Variants in ZXDC observed in about 807,000 individuals in gnomAD.
ZXDC encodes ZXD family zinc finger C, also known as zinc finger protein ZXDC.
ZXDC carries 58 observed loss-of-function variants against 63.6 expected under a neutral mutation model. The observed-to-expected ratio is 0.91, with a 90% CI of 0.74 to 1.13. ZXDC has a LOEUF of 1.13. Ranked by LOEUF, ZXDC falls within the 50% of genes most tolerant of loss-of-function variation. ZXDC has a pLI of 0.00. For synonymous variants in ZXDC, 561 were observed against 496.1 expected (o/e 1.13, Z -1.74); for missense variants, 1,133 against 1,148.9 (o/e 0.99, Z 0.20).
intron 7 of ZXDC, chr3:126,452,493 T>A (rs1934146343): frequency 1.0e-6 from 1 of 985,310 alleles, no homozygotes; most frequent in African/African-American, 1.7e-5. Flanking sequence ...CCAACTGCTC[T>A]CCCTGAAACC....
At chr3:126,459,167 T>C (rs1342245263) in intron 7 of ZXDC, 1 of 985,348 alleles carries the variant, frequency 1.0e-6, no homozygotes, top group African/African-American at 1.7e-5. Flanking sequence ...GTTTGGTCTT[T>C]AAAAATGCAA....
chr3:126,448,977 G>A (rs1933990151), intron 7 of ZXDC, among the ~76,000 whole-genome samples: 1 of 152,184 alleles, frequency 6.6e-6, no homozygotes, highest in Admixed American at 6.5e-5. Flanking sequence ...ACGGGACGGG[G>A]CAGCACGCAG....
intron 7 of ZXDC, chr3:126,454,215 C>T (rs1010767540): frequency 8.9e-5 from 88 of 983,814 alleles, no homozygotes; most frequent in Non-Finnish European, 9.8e-5. Flanking sequence ...GCTTATTTTT[C>T]TGCTTGATCA....
chr3:126,451,626 T>C, intron 7 of ZXDC: 2 of 985,400 alleles, frequency 2.0e-6, no homozygotes, highest in Non-Finnish European at 1.2e-6. Flanking sequence ...TCCTGTCACC[T>C]GGGAAGGCCT....
intron 5 of ZXDC, among the ~76,000 whole-genome samples, chr3:126,464,295 C>T (rs1369198557): frequency 1.3e-5 from 2 of 152,162 alleles, no homozygotes; most frequent in Non-Finnish European, 2.9e-5. Context: ...GTTCAAAGCC[C>T]AGCCCCAGCC....
At chr3:126,452,542 G>C in intron 7 of ZXDC, 8 of 985,346 alleles carry the variant, frequency 8.1e-6, no homozygotes, top group Non-Finnish European at 9.6e-6. Flanking sequence ...GATTTGTTGA[G>C]AGAATAATAA....
intron 1 of ZXDC, among the ~76,000 whole-genome samples, chr3:126,473,093 C>T (rs1000264833): frequency 3.9e-5 from 6 of 152,188 alleles, no homozygotes; most frequent in African/African-American, 4.8e-5. Flanking sequence ...CCAAAAGTAT[C>T]AGCCCAAGGA....
At chr3:126,467,227 C>T (rs1934807973) in intron 4 of ZXDC, among the ~76,000 whole-genome samples, 1 of 152,136 alleles carries the variant, frequency 6.6e-6, no homozygotes, top group Non-Finnish European at 1.5e-5. Context: ...GCAGGAGCTG[C>T]CCAGCCAAGG....
chr3:126,444,306 G>A (rs1378460189), intron 7 of ZXDC, among the ~76,000 whole-genome samples: 1 of 152,230 alleles, frequency 6.6e-6, no homozygotes, highest in Admixed American at 6.5e-5. Context: ...GCCAAGGCGG[G>A]CAGATTACAA....
intron 7 of ZXDC, among the ~76,000 whole-genome samples, chr3:126,444,374 T>A (rs988179357): frequency 6.6e-6 from 1 of 151,864 alleles, no homozygotes; most frequent in African/African-American, 2.4e-5. Flanking sequence ...CTACTAAAAA[T>A]ACAAAAAATT....
chr3:126,440,681 A>C, intron 8 of ZXDC: 8 of 985,668 alleles, frequency 8.1e-6, no homozygotes, highest in Non-Finnish European at 9.6e-6. Context: ...AGAAGCTGGA[A>C]ACAAAGGACC....
At chr3:126,442,713 A>G (rs542504399) in intron 7 of ZXDC, 1 of 152,292 alleles carries the variant, frequency 6.6e-6, no homozygotes, top group East Asian at 1.9e-4. Flanking sequence ...AACTTAGAAC[A>G]GTGACTGGCG....
chr3:126,461,321 C>A (rs1033520375), intron 6 of ZXDC: 1 of 1,368,458 alleles, frequency 7.3e-7, no homozygotes, highest in African/African-American at 1.5e-5. Context: ...GCCAAATCTC[C>A]TTATGCAGGA....
chr3:126,474,813 G>T, intron 1 of ZXDC, 146 bp downstream of exon 1: 1 of 995,444 alleles, frequency 1.0e-6, no homozygotes, highest in Non-Finnish European at 1.4e-6. Flanking sequence ...CAAATCGAAT[G>T]ACATGGAAGG....
At chr3:126,464,541 T>C (rs1471195182) in intron 5 of ZXDC, among the ~76,000 whole-genome samples, 1 of 152,092 alleles carries the variant, frequency 6.6e-6, no homozygotes, top group African/African-American at 2.4e-5. Context: ...AAATAAGTCA[T>C]TGTCACACAG....
intron 4 of ZXDC, 25 bp from the exon 5 acceptor site, chr3:126,466,350 T>C: frequency 6.2e-7 from 1 of 1,613,338 alleles, no homozygotes; most frequent in Non-Finnish European, 8.5e-7. Flanking sequence ...GTAATGAGAG[T>C]GAAACCCAAG....
chr3:126,440,944 C>T (rs972164913), intron 8 of ZXDC: 6 of 985,716 alleles, frequency 6.1e-6, no homozygotes, highest in Non-Finnish European at 7.2e-6. Flanking sequence ...GCGTCACCTC[C>T]ACCCTCCGCA....
chr3:126,457,748 G>A, intron 7 of ZXDC: 1 of 732,884 alleles, frequency 1.4e-6, no homozygotes, highest in South Asian at 6.2e-5. Flanking sequence ...CCACCGTTTA[G>A]AGTAACCCCT....
intron 6 of ZXDC, chr3:126,460,019 A>C (rs1252009935): frequency 1.0e-6 from 1 of 985,322 alleles, no homozygotes; most frequent in African/African-American, 1.7e-5. Flanking sequence ...AAACTTTTAA[A>C]ATCAATTACA....
Sources: gnomAD v4.1 joint callset for allele counts (sites outside exome capture counted in the v4.1 genomes callset) on GRCh38, gnomAD v4.1.1 for gene constraint, MANE v1.5 for transcripts, NCBI Gene and HGNC (gene_info 2026-07-23, HGNC 2026-07-21) for gene names.